The following AGBL4 variants were observed in gnomAD, a reference collection of about 807,000 sequenced individuals.
AGBL4 encodes the protein AGBL carboxypeptidase 4, also known as cytosolic carboxypeptidase 6.
In AGBL4, 58 loss-of-function variants were observed where a neutral mutation model predicts 66.4. That is an observed-to-expected ratio of 0.87 (90% CI 0.71 to 1.09). The LOEUF (loss-of-function observed/expected upper bound fraction) is 1.09, where lower values mean the gene tolerates loss of function less well. Ranked by LOEUF, AGBL4 falls within the 50% of genes least tolerant of loss-of-function variation. AGBL4 has a pLI of 0.00. For missense variants in AGBL4, 579 were observed against 631.0 expected (o/e 0.92, Z 0.88); for synonymous variants, 234 against 222.9 (o/e 1.05, Z -0.44).
intron 4 of AGBL4, among the ~76,000 whole-genome samples, chr1:49,083,557 G>C (rs1344663770): frequency 6.6e-6 from 1 of 152,216 alleles, no homozygotes; most frequent in Non-Finnish European, 1.5e-5. Flanking sequence ...CAAGTCCCCA[G>C]ATAAGAGCGG....
At chr1:49,732,645 T>C (rs970288472) in intron 2 of AGBL4, among the ~76,000 whole-genome samples, 1 of 152,028 alleles carries the variant, frequency 6.6e-6, no homozygotes, top group Non-Finnish European at 1.5e-5. Context: ...AAAAATTCAG[T>C]AGAAAGGATA....
intron 4 of AGBL4, among the ~76,000 whole-genome samples, chr1:49,205,174 A>G (rs780873478): frequency 6.6e-6 from 1 of 151,936 alleles, no homozygotes; most frequent in Non-Finnish European, 1.5e-5. Flanking sequence ...CCCAAATTTC[A>G]TTTCTTATTG....
intron 6 of AGBL4, among the ~76,000 whole-genome samples, chr1:48,858,607 A>T (rs1558044812): frequency 6.6e-6 from 1 of 152,250 alleles, no homozygotes; most frequent in Non-Finnish European, 1.5e-5. Context: ...TTTGATTTAT[A>T]TAAAATGTCC....
chr1:49,021,163 G>A (rs1029177322), intron 5 of AGBL4, among the ~76,000 whole-genome samples: 4 of 152,170 alleles, frequency 2.6e-5, no homozygotes, highest in African/African-American at 4.8e-5. Context: ...GAAGTCAGAC[G>A]GATCTGGGTA....
At chr1:49,507,494 AT>A (rs938635108) in intron 3 of AGBL4, among the ~76,000 whole-genome samples, 38 of 149,898 alleles carry the variant, frequency 2.5e-4, no homozygotes, top group East Asian at 3.9e-4. Context: ...TCAGTTTTTA[AT>A]TTTTTTTTTA....
At chr1:49,394,313 T>A (rs1255431316) in intron 3 of AGBL4, among the ~76,000 whole-genome samples, 1 of 151,886 alleles carries the variant, frequency 6.6e-6, no homozygotes, top group Non-Finnish European at 1.5e-5. Context: ...AATGTTGAAT[T>A]TATTCTATAA....
chr1:48,541,061 T>C (rs1269070816), intron 11 of AGBL4, among the ~76,000 whole-genome samples: 1 of 152,234 alleles, frequency 6.6e-6, no homozygotes, highest in Non-Finnish European at 1.5e-5. Flanking sequence ...TTATGCTTGC[T>C]ACCTCCCACC....
At chr1:49,793,003 A>G (rs1644639966) in intron 2 of AGBL4, among the ~76,000 whole-genome samples, 1 of 152,060 alleles carries the variant, frequency 6.6e-6, no homozygotes. Flanking sequence ...AAAAGCTTTT[A>G]ATGAAAACAC....
At chr1:49,394,966 A>T (rs1644927351) in intron 3 of AGBL4, among the ~76,000 whole-genome samples, 1 of 152,142 alleles carries the variant, frequency 6.6e-6, no homozygotes, top group Non-Finnish European at 1.5e-5. Flanking sequence ...ATTAAGCCAA[A>T]CCATCAATCT....
At chr1:49,692,463 A>C (rs577741698) in intron 3 of AGBL4, among the ~76,000 whole-genome samples, 3 of 152,286 alleles carry the variant, frequency 2.0e-5, no homozygotes, top group African/African-American at 7.2e-5. Flanking sequence ...TCACGCCTGT[A>C]ATCCCAGCAC....
intron 3 of AGBL4, among the ~76,000 whole-genome samples, chr1:49,443,092 T>G (rs1468853922): frequency 6.6e-6 from 1 of 152,168 alleles, no homozygotes; most frequent in Non-Finnish European, 1.5e-5. Context: ...AGATGTCTAT[T>G]CACATCCTTT....
chr1:49,157,087 T>C (rs1175738412), intron 4 of AGBL4, among the ~76,000 whole-genome samples: 1 of 152,200 alleles, frequency 6.6e-6, no homozygotes, highest in Non-Finnish European at 1.5e-5. Flanking sequence ...TTTTCATTTT[T>C]ATTTTTTTTT....
intron 4 of AGBL4, among the ~76,000 whole-genome samples, chr1:49,196,096 T>A (rs907243714): frequency 6.6e-6 from 1 of 152,208 alleles, no homozygotes; most frequent in Admixed American, 6.5e-5. Context: ...TGTGAGTCAA[T>A]TAAACCTTTT....
chr1:49,395,904 C>G (rs1260204731), intron 3 of AGBL4, among the ~76,000 whole-genome samples: 1 of 145,246 alleles, frequency 6.9e-6, no homozygotes, highest in Non-Finnish European at 1.5e-5. Flanking sequence ...AGTGGTCCTC[C>G]CCAAGCATAA....
chr1:49,761,634 G>T (rs566196898), intron 2 of AGBL4, among the ~76,000 whole-genome samples: 107 of 152,196 alleles, frequency 7.0e-4, no homozygotes, highest in African/African-American at 2.2e-3. Flanking sequence ...AATATATGTT[G>T]CATAATGTTC....
intron 1 of AGBL4, among the ~76,000 whole-genome samples, chr1:49,863,698 T>C (rs1391326417): frequency 6.6e-6 from 1 of 152,166 alleles, no homozygotes; most frequent in Non-Finnish European, 1.5e-5. Flanking sequence ...ACATCACTGA[T>C]CATCAAAGAA....
At chr1:49,800,429 T>G (rs1230279570) in intron 2 of AGBL4, among the ~76,000 whole-genome samples, 1 of 145,396 alleles carries the variant, frequency 6.9e-6, no homozygotes, top group Non-Finnish European at 1.5e-5. Context: ...GTTAGTTACA[T>G]ATGTATACAT....
intron 5 of AGBL4, among the ~76,000 whole-genome samples, chr1:48,910,282 C>T (rs1273592028): frequency 1.3e-5 from 2 of 152,120 alleles, no homozygotes; most frequent in African/African-American, 4.8e-5. Context: ...TGCGACTGAA[C>T]CATAATTTCC....
chr1:49,019,678 A>G (rs923816309), intron 5 of AGBL4, among the ~76,000 whole-genome samples: 2 of 152,372 alleles, frequency 1.3e-5, no homozygotes. Context: ...GTAGCTGTTT[A>G]GAAATGTAAC....
Sources: allele counts gnomAD v4.1 joint callset (sites outside exome capture counted in the v4.1 genomes callset), GRCh38; gene constraint gnomAD v4.1.1; transcripts MANE v1.5; gene names NCBI Gene and HGNC (gene_info 2026-07-23, HGNC 2026-07-21).